CYTH3: variants seen among roughly 807,000 people sequenced by gnomAD.
CYTH3 encodes the protein cytohesin 3.
CYTH3 carries 23 observed loss-of-function variants against 55.1 expected under a neutral mutation model. That is an observed-to-expected ratio of 0.42 (90% confidence interval 0.30 to 0.59). CYTH3 has a LOEUF of 0.59. Ranked by LOEUF, CYTH3 falls within the 20% of genes least tolerant of loss-of-function variation. The pLI is 0.20. For synonymous variants in CYTH3, 249 were observed against 194.9 expected (o/e 1.28, Z -2.31); for missense variants, 413 against 524.8 (o/e 0.79, Z 2.08).
intron 1 of CYTH3, among the ~76,000 whole-genome samples, chr7:6,245,609 CAA>C (rs892736933): frequency 2.0e-5 from 3 of 152,218 alleles, no homozygotes; most frequent in Non-Finnish European, 4.4e-5. Context: ...AGAATTACCT[CAA>C]AAGAGTTTGG....
rs868781637 is a variant in CYTH3 at position 6,272,595 on chromosome 7, G to A, written c.-88C>T. 1.4e-5 allele frequency: 15 copies of A among 1,049,710 alleles called. 1 individual carries two copies. In the South Asian group the frequency reaches 6.5e-4, roughly 45 times the overall value. 65.0% of individuals were successfully genotyped at this position (1,049,710 alleles called of 1,614,324 possible). A position where few individuals can be genotyped will look rare whatever the true frequency, so the allele number is the denominator to read the frequency against. On this transcript the variant is annotated 5_prime_UTR_variant, in exon 1 of 13. Transcript: ENST00000350796. ...ACGCCGCCGGAGGGAGCGCGCAGGC[G>A]ACCGGGCGGCTCCTCAGCGCGCGGC...
intron 1 of CYTH3, among the ~76,000 whole-genome samples, chr7:6,232,649 A>T (rs532075022): frequency 6.6e-6 from 1 of 152,214 alleles, no homozygotes; most frequent in Non-Finnish European, 1.5e-5. Context: ...GGACTGTAGC[A>T]GTGGTGGCTG....
intron 1 of CYTH3, 41 bp from the exon 2 acceptor site, chr7:6,190,572 A>G: frequency 6.9e-7 from 1 of 1,456,776 alleles, no homozygotes; most frequent in Non-Finnish European, 9.1e-7. Context: ...TGGAGAACAC[A>G]TTGGCAACAT....
At chr7:6,266,235 G>A (rs1409759559) in intron 1 of CYTH3, among the ~76,000 whole-genome samples, 3 of 152,124 alleles carry the variant, frequency 2.0e-5, no homozygotes, top group Non-Finnish European at 2.9e-5. Flanking sequence ...GGCAGTGGTT[G>A]AGAATACGGA....
intron 6 of CYTH3, chr7:6,173,111 C>T (rs903159683): frequency 1.0e-6 from 1 of 986,976 alleles, no homozygotes; most frequent in East Asian, 1.1e-4. Context: ...ATGAAGAGCC[C>T]ACGCGACTCA....
At chr7:6,181,184 T>A (rs902651742) in intron 4 of CYTH3, among the ~76,000 whole-genome samples, 8 of 152,196 alleles carry the variant, frequency 5.3e-5, no homozygotes, top group African/African-American at 1.9e-4. Context: ...CTGACATAAA[T>A]TTGGACTTAA....
At chr7:6,213,996 C>G (rs984249833) in intron 1 of CYTH3, among the ~76,000 whole-genome samples, 1 of 152,146 alleles carries the variant, frequency 6.6e-6, no homozygotes, top group Non-Finnish European at 1.5e-5. Context: ...ACAGACTCCC[C>G]TGACCTTGTA....
At chr7:6,242,207 G>C (rs1025450945) in intron 1 of CYTH3, among the ~76,000 whole-genome samples, 2 of 151,636 alleles carry the variant, frequency 1.3e-5, no homozygotes, top group Non-Finnish European at 2.9e-5. Flanking sequence ...CTCCCGAGTA[G>C]CTGGGACTAC....
chr7:6,217,554 T>C (rs1185366218), intron 1 of CYTH3, among the ~76,000 whole-genome samples: 1 of 152,158 alleles, frequency 6.6e-6, no homozygotes, highest in Non-Finnish European at 1.5e-5. Flanking sequence ...CTGCAAAATA[T>C]GTGATTCCAG....
intron 1 of CYTH3, among the ~76,000 whole-genome samples, chr7:6,257,798 C>A (rs940525895): frequency 2.0e-5 from 3 of 152,152 alleles, no homozygotes; most frequent in Non-Finnish European, 2.9e-5. Flanking sequence ...CACTGCTGTT[C>A]AATCATTTAA....
At chr7:6,221,903 G>A (rs1330009810) in intron 1 of CYTH3, among the ~76,000 whole-genome samples, 1 of 152,210 alleles carries the variant, frequency 6.6e-6, no homozygotes, top group Non-Finnish European at 1.5e-5. Flanking sequence ...AGTGAGCTAT[G>A]ATGGTGCCAC....
chr7:6,173,705 C>T lies in CYTH3; in HGVS notation c.397G>A (p.Ala133Thr), dbSNP rs764467386. Residue 133 changes from alanine to threonine, a missense_variant, in exon 6 of 13, where the codon GCC becomes ACC. Physicochemically the swap from Ala to Thr is moderately conservative, Grantham distance 58. This residue lies in a region of CYTH3 where 156 missense variants were observed against 233.1 expected (regional missense o/e 0.67). Coordinates refer to ENST00000350796, the MANE Select transcript of CYTH3 (RefSeq NM_004227.4). ...RDEFNIKVLQ[A>T]FVELHEFADL... ...GCAAACTCATGGAGTTCAACAAAGGCTTGAAGAACTTTAATATTAAATTCA... is the reference window on the plus strand; with the variant it reads ...GCAAACTCATGGAGTTCAACAAAGGTTTGAAGAACTTTAATATTAAATTCA... The T allele has an allele frequency of 6.2e-7, 1 of 1,609,048 alleles. No individual in the cohort carries two copies. Among genetic ancestry groups the T allele is most frequent in the Non-Finnish European group, 8.5e-7 (1 of 1,175,402 alleles).
chr7:6,174,593 G>C (rs1286480410), intron 5 of CYTH3, among the ~76,000 whole-genome samples: 1 of 140,712 alleles, frequency 7.1e-6, no homozygotes, highest in African/African-American at 2.8e-5. Flanking sequence ...TGCTGCCCAG[G>C]CTGGAGTGCA....
intron 1 of CYTH3, among the ~76,000 whole-genome samples, chr7:6,212,993 T>A (rs1265639277): frequency 6.6e-6 from 1 of 152,246 alleles, no homozygotes; most frequent in Admixed American, 6.5e-5. Flanking sequence ...TTAATAGGGA[T>A]AACAGTAACT....
intron 9 of CYTH3, among the ~76,000 whole-genome samples, chr7:6,166,752 G>T (rs1013587611): frequency 1.3e-5 from 2 of 152,140 alleles, no homozygotes; most frequent in Non-Finnish European, 2.9e-5. Context: ...GGTCTCTGCA[G>T]TCCCTCTGGG....
chr7:6,237,895 A>T (rs1779567124), intron 1 of CYTH3, among the ~76,000 whole-genome samples: 1 of 152,194 alleles, frequency 6.6e-6, no homozygotes, highest in Non-Finnish European at 1.5e-5. Flanking sequence ...AGGAGTGGCA[A>T]ACCCAAGGCT....
chr7:6,247,291 G>A (rs964807395), intron 1 of CYTH3, among the ~76,000 whole-genome samples: 27 of 152,274 alleles, frequency 1.8e-4, no homozygotes, highest in African/African-American at 2.6e-4. Flanking sequence ...AAACCATCCC[G>A]ATTTCGTTGT....
At chr7:6,265,747 G>C (rs757251320) in intron 1 of CYTH3, among the ~76,000 whole-genome samples, 5 of 152,138 alleles carry the variant, frequency 3.3e-5, no homozygotes, top group Non-Finnish European at 7.4e-5. Flanking sequence ...CTTTCAGAGA[G>C]GAGTGACATG....
chr7:6,202,779 C>G (rs955803288), intron 1 of CYTH3, among the ~76,000 whole-genome samples: 6 of 151,928 alleles, frequency 3.9e-5, no homozygotes, highest in Middle Eastern at 3.4e-3. Context: ...TGTTTTAAAC[C>G]AATTCCTTTG....
Sources: gnomAD v4.1 joint callset for allele counts (sites outside exome capture counted in the v4.1 genomes callset) on GRCh38, gnomAD v4.1.1 for gene constraint, gnomAD v4.1.1 regional missense constraint, MANE v1.5 for transcripts, NCBI Gene and HGNC (gene_info 2026-07-23, HGNC 2026-07-21) for gene names.